The following XIRP2 variants were observed in gnomAD, a reference collection of about 807,000 sequenced individuals.
XIRP2 encodes xin actin binding repeat containing 2, also known as xin actin-binding repeat-containing protein 2.
Under a neutral mutation model 277.0 loss-of-function variants are expected in XIRP2, and 236 were observed. The observed-to-expected ratio is 0.85, with a 90% CI of 0.77 to 0.95. XIRP2 has a LOEUF of 0.95. Among genes scored for constraint, XIRP2 ranks in the 40% least tolerant of loss-of-function variants. The probability of loss-of-function intolerance (pLI) is 0.00; values close to 1 mark genes in which losing one functional copy is unlikely to be tolerated. For missense variants in XIRP2, 4,640 were observed against 4,157.5 expected (o/e 1.12, Z -3.19); for synonymous variants, 1,490 against 1,416.5 (o/e 1.05, Z -1.17).
chr2:167,201,107 C>G (rs906321153), intron 3 of XIRP2, among the ~76,000 whole-genome samples: 2 of 145,474 alleles, frequency 1.4e-5, no homozygotes, highest in Non-Finnish European at 3.0e-5. Flanking sequence ...ACCTAGACAA[C>G]AGAGTGAGGC....
chr2:167,016,131 C>T (rs1024629101), intron 2 of XIRP2, among the ~76,000 whole-genome samples: 74 of 151,696 alleles, frequency 4.9e-4, no homozygotes, highest in Non-Finnish European at 6.5e-4. Context: ...TTGTCGATTC[C>T]GTCCTCCTCC....
intron 2 of XIRP2, among the ~76,000 whole-genome samples, chr2:167,094,272 G>A (rs1246392582): frequency 2.6e-5 from 4 of 152,074 alleles, no homozygotes; most frequent in Non-Finnish European, 5.9e-5. Context: ...TAGGTTGTCT[G>A]TTCACTGATG....
At chr2:166,909,052 A>T (rs1414841372) in intron 2 of XIRP2, among the ~76,000 whole-genome samples, 1 of 152,180 alleles carries the variant, frequency 6.6e-6, no homozygotes, top group Non-Finnish European at 1.5e-5. Flanking sequence ...AGGTAGCGTG[A>T]TGCCTCCAGC....
chr2:167,002,908 G>T (rs1043363939), intron 2 of XIRP2, among the ~76,000 whole-genome samples: 1 of 151,866 alleles, frequency 6.6e-6, no homozygotes, highest in African/African-American at 2.4e-5. Flanking sequence ...CCTATTTGAT[G>T]CTTGGATTGT....
intron 2 of XIRP2, among the ~76,000 whole-genome samples, chr2:167,129,239 C>T (rs1691303740): frequency 6.6e-6 from 1 of 152,106 alleles, no homozygotes; most frequent in South Asian, 2.1e-4. Context: ...ATTTTTATTT[C>T]TCTAAAGGTA....
rs398104948 is a variant in XIRP2 at position 167,081,946 on chromosome 2, CT to C, written c.409-53954del. ...TTATATCCACTTAACCATGTATTTT[CT>C]TTTTTTTTATTATTATACTTTAAGT... On this transcript the variant is annotated intron_variant, in intron 2 of 10. Transcript: ENST00000409195. 1.7e-3 allele frequency among the ~76,000 whole-genome samples: 247 copies of C among 146,634 alleles called. 2 individuals are homozygous for C. The highest frequency in any genetic ancestry group is 5.9e-3 in the African/African-American group (234 of 39,954).
chr2:167,226,429 C>T (rs539084659), intron 5 of XIRP2, among the ~76,000 whole-genome samples: 2 of 152,200 alleles, frequency 1.3e-5, no homozygotes, highest in African/African-American at 4.8e-5. Context: ...GAAATTGAAT[C>T]AACAGAATTA....
chr2:167,182,161 C>T (rs1429556614), intron 3 of XIRP2, among the ~76,000 whole-genome samples: 1 of 152,140 alleles, frequency 6.6e-6, no homozygotes. Flanking sequence ...TACTAATACC[C>T]TAATTATGCT....
chr2:166,967,418 A>C (rs1173787212), intron 2 of XIRP2, among the ~76,000 whole-genome samples: 1 of 151,976 alleles, frequency 6.6e-6, no homozygotes, highest in Non-Finnish European at 1.5e-5. Context: ...CGCAAGGCAC[A>C]AATGACATTG....
chr2:167,087,290 G>C lies in XIRP2; in HGVS notation c.409-48619G>C, dbSNP rs1574241830. Among the ~76,000 whole-genome samples, 10 of 152,330 alleles carry C rather than the reference G, an allele frequency of 6.6e-5. No individual in the cohort carries two copies. In the South Asian group the frequency reaches 2.1e-3, roughly 32 times the overall value. On this transcript the variant is annotated intron_variant, in intron 2 of 10. Coordinates refer to ENST00000409195, the MANE Select transcript of XIRP2 (RefSeq NM_152381.6). ...GGTCAGGGACCCACTTGAGGAGGCA[G>C]TCTGCCCGTTCTCAGATCTCCAGCT...
At chr2:166,937,164 G>C (rs1057331580) in intron 2 of XIRP2, among the ~76,000 whole-genome samples, 2 of 152,154 alleles carry the variant, frequency 1.3e-5, no homozygotes, top group Admixed American at 6.5e-5. Flanking sequence ...TCCCTATCCT[G>C]TGCCAGTTTC....
chr2:167,109,514 C>G lies in XIRP2; in HGVS notation c.409-26395C>G, dbSNP rs572416902. 2.8e-4 allele frequency among the ~76,000 whole-genome samples: 42 copies of G among 152,328 alleles called. No individual in the cohort carries two copies. In the South Asian group the frequency reaches 7.7e-3, roughly 28 times the overall value. On this transcript the variant is annotated intron_variant, in intron 2 of 10. Coordinates refer to ENST00000409195, the MANE Select transcript of XIRP2 (RefSeq NM_152381.6). ...CAAGCTGGTCTTGAACTCCTGACCT[C>G]AGGTGATCTGCCCACCTTGGCCTCC... is the stretch of plus-strand genomic sequence containing the variant.
At chr2:166,925,003 T>G (rs148433968) in intron 2 of XIRP2, among the ~76,000 whole-genome samples, 66 of 152,210 alleles carry the variant, frequency 4.3e-4, no homozygotes, top group African/African-American at 1.5e-3. Context: ...TAAGCTTTTT[T>G]CTCCTCTTTC....
chr2:166,954,508 G>A (rs76495512), intron 2 of XIRP2, among the ~76,000 whole-genome samples: 1,598 of 151,956 alleles, frequency 0.011, 26 homozygotes, highest in African/African-American at 0.036. Flanking sequence ...AAGAAAGGAT[G>A]ATGATTCCTC....
At chr2:166,951,538 TAGAA>T (rs1558927980) in intron 2 of XIRP2, among the ~76,000 whole-genome samples, 1 of 151,910 alleles carries the variant, frequency 6.6e-6, no homozygotes, top group African/African-American at 2.4e-5. Flanking sequence ...AAAAAAAATT[TAGAA>T]AGAACATTCT....
chr2:167,167,180 G>A (rs933883698), intron 3 of XIRP2, among the ~76,000 whole-genome samples: 1 of 151,924 alleles, frequency 6.6e-6, no homozygotes, highest in Non-Finnish European at 1.5e-5. Flanking sequence ...TGTTAACATG[G>A]TATACCTTTC....
Position 167,214,226 on chromosome 2 carries a change from G to GAGGGAGGAAGGA in XIRP2, c.723+3334_723+3335insGAGGAAGGAAGG, listed in dbSNP as rs1323240476. ...AAAGAGAGGGAGGGAGGGAGGGAGGGAGGAAGGAAGGAAGGAAGGAAGGAA... is the reference window on the plus strand; with the variant it reads ...AAAGAGAGGGAGGGAGGGAGGGAGGGAGGGAGGAAGGAAGGAAGGAAGGAAGGAAGGAAGGAA... On this transcript the variant is annotated intron_variant, in intron 4 of 10. Transcript: ENST00000409195. Among the ~76,000 whole-genome samples the GAGGGAGGAAGGA allele has an allele frequency of 1.0e-4, 7 of 67,294 alleles. 2 individuals are homozygous for GAGGGAGGAAGGA. The highest frequency in any genetic ancestry group is 5.0e-4 in the African/African-American group (5 of 10,062). The allele number at this position is 67,294 out of a possible 152,430, so 44.1% of individuals were successfully genotyped here.
At chr2:167,112,570 ATATATT>A (rs58186873) in intron 2 of XIRP2, among the ~76,000 whole-genome samples, 14,252 of 146,564 alleles carry the variant, frequency 0.097, 1,318 homozygotes, top group African/African-American at 0.25. Flanking sequence ...TTATATAGAG[ATATATT>A]TATATATAAT....
intron 7 of XIRP2, 101 bp from the exon 8 acceptor site, chr2:167,241,676 T>C (rs1695070304): frequency 7.4e-7 from 1 of 1,356,778 alleles, no homozygotes; most frequent in South Asian, 1.5e-5. Flanking sequence ...TCCCAAAGTA[T>C]TGGGATTACA....
Sources: allele counts gnomAD v4.1 joint callset (sites outside exome capture counted in the v4.1 genomes callset), GRCh38; gene constraint gnomAD v4.1.1; transcripts MANE v1.5; gene names NCBI Gene and HGNC (gene_info 2026-07-23, HGNC 2026-07-21).